Variants in EPB41L4B observed in about 807,000 individuals in gnomAD.
The protein encoded by EPB41L4B is erythrocyte membrane protein band 4.1 like 4B.
Under a neutral mutation model 112.5 loss-of-function variants are expected in EPB41L4B, and 30 were observed. The ratio of observed to expected loss-of-function variants is 0.27; its 90% confidence interval spans 0.20 to 0.36. The LOEUF (loss-of-function observed/expected upper bound fraction) is 0.36, where lower values mean the gene tolerates loss of function less well. EPB41L4B is among the 10% of genes least tolerant of loss of function. The probability of loss-of-function intolerance (pLI) is 1.00; values close to 1 mark genes in which losing one functional copy is unlikely to be tolerated. For synonymous variants in EPB41L4B, 408 were observed against 439.7 expected, an observed-to-expected ratio of 0.93 and a Z score of 0.90; for missense variants, 1,024 against 1,133.3, an observed-to-expected ratio of 0.90 and a Z score of 1.38.
intron 4 of EPB41L4B, 67 bp downstream of exon 4, chr9:109,267,406 G>T: frequency 1.0e-6 from 1 of 987,320 alleles, no homozygotes; most frequent in Non-Finnish European, 1.6e-6. Flanking sequence ...CCACAATTGA[G>T]AAGAGCCATA....
At chr9:109,271,168 A>G (rs1031081596) in intron 2 of EPB41L4B, among the ~76,000 whole-genome samples, 1 of 152,234 alleles carries the variant, frequency 6.6e-6, no homozygotes, top group African/African-American at 2.4e-5. Flanking sequence ...AGATGCTGGT[A>G]CCGGGTGGCT....
Position 109,194,112 on chromosome 9 carries a change from C to A in EPB41L4B, c.2223+108G>T, listed in dbSNP as rs566836180. 5.4e-6 allele frequency: 7 copies of A among 1,290,080 alleles called. No homozygotes were observed. In the South Asian group the frequency reaches 1.0e-4, roughly 19 times the overall value. 79.9% of individuals were successfully genotyped at this position (1,290,080 alleles called of 1,614,324 possible). ...GTTGCTGTTGTTTTATGAGTATACA[C>A]AATTGATTATGCAAAATTTAAATAC... is the stretch of plus-strand genomic sequence containing the variant. On this transcript the variant is annotated intron_variant, in intron 21 of 25. Coordinates refer to ENST00000374566, the MANE Select transcript of EPB41L4B (RefSeq NM_019114.5).
At chr9:109,284,386 T>C (rs1258134654) in intron 1 of EPB41L4B, among the ~76,000 whole-genome samples, 3 of 152,186 alleles carry the variant, frequency 2.0e-5, no homozygotes, top group Non-Finnish European at 2.9e-5. Context: ...GGATGAAGCA[T>C]AGAGAAACCG....
intron 19 of EPB41L4B, 23 bp from the exon 20 acceptor site, chr9:109,200,357 A>C: frequency 6.3e-7 from 1 of 1,585,468 alleles, no homozygotes; most frequent in Non-Finnish European, 8.7e-7. Flanking sequence ...CGAAAAACAG[A>C]ACAATACCAT....
intron 1 of EPB41L4B, among the ~76,000 whole-genome samples, chr9:109,296,442 T>C (rs1468067999): frequency 6.6e-6 from 1 of 152,140 alleles, no homozygotes; most frequent in African/African-American, 2.4e-5. Flanking sequence ...CAGGCTAAGT[T>C]TGATGTCCAG....
intron 15 of EPB41L4B, among the ~76,000 whole-genome samples, chr9:109,238,665 G>A (rs1190969210): frequency 6.6e-6 from 1 of 152,108 alleles, no homozygotes; most frequent in African/African-American, 2.4e-5. Flanking sequence ...CTATAGATGG[G>A]GGTAGAAAGG....
At chr9:109,211,404 G>C (rs1413185673) in intron 17 of EPB41L4B, among the ~76,000 whole-genome samples, 1 of 151,972 alleles carries the variant, frequency 6.6e-6, no homozygotes, top group African/African-American at 2.4e-5. Context: ...AGACCAGCCT[G>C]ACCAACATGG....
chr9:109,300,438 A>G (rs1836918524), intron 1 of EPB41L4B: 1 of 152,114 alleles, frequency 6.6e-6, no homozygotes, highest in Non-Finnish European at 1.5e-5. Context: ...CACCATCACA[A>G]TCTTAAATCC....
intron 2 of EPB41L4B, among the ~76,000 whole-genome samples, chr9:109,273,989 C>T (rs1254105149): frequency 6.6e-6 from 1 of 152,120 alleles, no homozygotes; most frequent in African/African-American, 2.4e-5. Flanking sequence ...AAAGCAAAGC[C>T]AAAGGAGCTG....
At chr9:109,240,608 G>C in intron 15 of EPB41L4B, 1 of 985,390 alleles carries the variant, frequency 1.0e-6, no homozygotes, top group Non-Finnish European at 1.2e-6. Flanking sequence ...TTTGGTACAA[G>C]CTTTAACCTA....
chr9:109,229,035 ACC>A (rs1332791512), intron 15 of EPB41L4B, among the ~76,000 whole-genome samples: 3 of 152,198 alleles, frequency 2.0e-5, no homozygotes, highest in Non-Finnish European at 4.4e-5. Flanking sequence ...CATCTCATAT[ACC>A]CTATAAATAC....
intron 2 of EPB41L4B, among the ~76,000 whole-genome samples, chr9:109,275,790 A>T (rs1835791538): frequency 6.6e-6 from 1 of 152,180 alleles, no homozygotes; most frequent in African/African-American, 2.4e-5. Context: ...ATAGACCTGA[A>T]ATTGCAAAAT....
chr9:109,229,448 G>A (rs1381263987), intron 15 of EPB41L4B, among the ~76,000 whole-genome samples: 1 of 152,162 alleles, frequency 6.6e-6, no homozygotes, highest in Non-Finnish European at 1.5e-5. Context: ...ATCTCGTCTG[G>A]ATTGCTCAGT....
At chr9:109,253,618 G>A in intron 11 of EPB41L4B, 68 bp from the exon 12 acceptor site, 1 of 1,046,336 alleles carries the variant, frequency 9.6e-7, no homozygotes. Flanking sequence ...GTTTTTGAAA[G>A]TGCACTTTTA....
In EPB41L4B at chr9:109,219,115, A is replaced by G. The variant is rs185878875; in HGVS notation, c.1410-1970T>C. Among the ~76,000 whole-genome samples, 156 of 152,292 alleles carry G rather than the reference A, an allele frequency of 1.0e-3. 2 individuals are homozygous for G. Among genetic ancestry groups the G allele is most frequent in the Admixed American group, 2.1e-3 (32 of 15,296 alleles). On this transcript the variant is annotated intron_variant, in intron 15 of 25. Coordinates refer to ENST00000374566, the MANE Select transcript of EPB41L4B (RefSeq NM_019114.5). ...AATCTTCTTTCTTATAGGAAACCCCATTCCTTGTGTTTGTATGGGATTGAC... is the reference window on the plus strand; with the variant it reads ...AATCTTCTTTCTTATAGGAAACCCCGTTCCTTGTGTTTGTATGGGATTGAC...
At chr9:109,214,432 G>A (rs1401896572) in intron 16 of EPB41L4B, among the ~76,000 whole-genome samples, 1 of 152,190 alleles carries the variant, frequency 6.6e-6, no homozygotes, top group Non-Finnish European at 1.5e-5. Flanking sequence ...AGAGGTGAAT[G>A]AGACAAAATT....
intron 11 of EPB41L4B, 70 bp downstream of exon 11, chr9:109,255,441 C>A: frequency 1.3e-6 from 2 of 1,571,176 alleles, no homozygotes; most frequent in Non-Finnish European, 1.7e-6. Flanking sequence ...ACTCTATTCG[C>A]ATACAAGAAA....
intron 1 of EPB41L4B, among the ~76,000 whole-genome samples, chr9:109,287,360 C>G (rs557546933): frequency 6.6e-6 from 1 of 152,174 alleles, no homozygotes; most frequent in Non-Finnish European, 1.5e-5. Context: ...CCAAGTGCAA[C>G]ATTAACAGGT....
At chr9:109,214,482 C>A (rs563831842) in intron 16 of EPB41L4B, among the ~76,000 whole-genome samples, 8 of 152,018 alleles carry the variant, frequency 5.3e-5, no homozygotes, top group Non-Finnish European at 1.2e-4. Context: ...GGAGATATTC[C>A]GAAGAAGACT....
Sources: gnomAD v4.1 joint callset for allele counts (sites outside exome capture counted in the v4.1 genomes callset) on GRCh38, gnomAD v4.1.1 for gene constraint, MANE v1.5 for transcripts, NCBI Gene and HGNC (gene_info 2026-07-23, HGNC 2026-07-21) for gene names.